The following DNAAF9 variants were observed in gnomAD, a reference collection of about 807,000 sequenced individuals.
The protein encoded by DNAAF9 is dynein axonemal assembly factor 9, also known as shulin.
In DNAAF9, 90 loss-of-function variants were observed where a neutral mutation model predicts 167.0. That is an observed-to-expected ratio of 0.54 (90% CI 0.45 to 0.64). DNAAF9 has a LOEUF of 0.64. Among genes scored for constraint, DNAAF9 ranks in the 30% least tolerant of loss-of-function variants. The pLI, the probability that DNAAF9 is intolerant of heterozygous loss-of-function variation, is 0.00. For synonymous variants in DNAAF9, 491 were observed against 508.8 expected (o/e 0.96, Z 0.47); for missense variants, 1,315 against 1,442.2 (o/e 0.91, Z 1.43).
chr20:3,300,212 C>T (rs1359492608), intron 21 of DNAAF9, among the ~76,000 whole-genome samples: 2 of 152,052 alleles, frequency 1.3e-5, no homozygotes, highest in Non-Finnish European at 2.9e-5. Context: ...CAGCGTTTTC[C>T]TATCTGCAAA....
chr20:3,390,172 A>G (rs1028881313), intron 1 of DNAAF9, among the ~76,000 whole-genome samples: 5 of 152,326 alleles, frequency 3.3e-5, no homozygotes, highest in Non-Finnish European at 5.9e-5. Context: ...GTTATGTAGT[A>G]GGATGTCCTT....
intron 25 of DNAAF9, among the ~76,000 whole-genome samples, chr20:3,292,048 G>C (rs1049394152): frequency 2.6e-5 from 4 of 151,538 alleles, no homozygotes; most frequent in African/African-American, 9.7e-5. Flanking sequence ...GCCCAGGCTG[G>C]AGTACAGTGG....
At chr20:3,407,397 G>T (rs2084077733) in intron 1 of DNAAF9, 78 bp downstream of exon 1, 2 of 1,140,280 alleles carry the variant, frequency 1.8e-6, no homozygotes, top group African/African-American at 1.6e-5. Flanking sequence ...ACCACGCCCT[G>T]CGGCGGGAGG....
At chr20:3,270,385 C>T in intron 30 of DNAAF9, 42 bp downstream of exon 30, 1 of 1,582,148 alleles carries the variant, frequency 6.3e-7, no homozygotes, top group East Asian at 2.2e-5. Context: ...AGTGCTGTAT[C>T]TGAGAAAGCA....
At chr20:3,404,422 A>C (rs1420195688) in intron 1 of DNAAF9, among the ~76,000 whole-genome samples, 2 of 152,198 alleles carry the variant, frequency 1.3e-5, no homozygotes, top group Non-Finnish European at 2.9e-5. Flanking sequence ...AGAGGTAGGA[A>C]ACCATTTTCT....
intron 16 of DNAAF9, among the ~76,000 whole-genome samples, chr20:3,321,224 G>A (rs2069610041): frequency 6.6e-6 from 1 of 152,150 alleles, no homozygotes; most frequent in Admixed American, 6.5e-5. Context: ...CTTAATGACA[G>A]GGATACATTC....
chr20:3,310,347 A>AAG (rs1555790632), intron 20 of DNAAF9, among the ~76,000 whole-genome samples: 1 of 147,902 alleles, frequency 6.8e-6, no homozygotes, highest in Non-Finnish European at 1.5e-5. Flanking sequence ...GAAAGAAAGA[A>AAG]AGAAAGAAAG....
intron 12 of DNAAF9, among the ~76,000 whole-genome samples, chr20:3,328,183 G>GTTTT (rs754972652): frequency 7.6e-6 from 1 of 131,956 alleles, no homozygotes; most frequent in Non-Finnish European, 1.6e-5. Flanking sequence ...GCATGGCTCT[G>GTTTT]TTTTTTTTTT....
chr20:3,334,003 C>T lies in DNAAF9; in HGVS notation c.982-1642G>A, dbSNP rs1168651025. Among the ~76,000 whole-genome samples, 5 of 152,128 alleles carry T rather than the reference C, an allele frequency of 3.3e-5. No homozygotes were observed. In the South Asian group the frequency reaches 6.2e-4, roughly 19 times the overall value. On this transcript the variant is annotated intron_variant, in intron 10 of 36. Coordinates refer to ENST00000252032, the MANE Select transcript of DNAAF9 (RefSeq NM_001009984.3). ...ATTTTAAGTCAGGCTGAATCAATTG[C>T]GAGCTTTCCTGGAAGACTATAAAAA...
chr20:3,336,882 C>CA (rs2069964751), intron 10 of DNAAF9, among the ~76,000 whole-genome samples: 1 of 133,930 alleles, frequency 7.5e-6, no homozygotes, highest in African/African-American at 2.7e-5. Flanking sequence ...TTTCCTTTTT[C>CA]TTTTTTTTTT....
chr20:3,296,769 A>T, intron 23 of DNAAF9, 92 bp downstream of exon 23: 2 of 784,028 alleles, frequency 2.6e-6, no homozygotes, highest in South Asian at 1.6e-5. Context: ...AGAAGCCAAG[A>T]CCCCTGTGTT....
chr20:3,253,613 C>T, intron 36 of DNAAF9, 113 bp downstream of exon 36: 1 of 714,008 alleles, frequency 1.4e-6, no homozygotes, highest in Non-Finnish European at 2.6e-6. Context: ...ATGCAGAGTG[C>T]TCCTGGGGCT....
intron 6 of DNAAF9, among the ~76,000 whole-genome samples, chr20:3,373,753 G>A (rs973740076): frequency 2.0e-5 from 3 of 152,186 alleles, no homozygotes; most frequent in Non-Finnish European, 4.4e-5. Flanking sequence ...CATAAAAGCT[G>A]TAGGAAAAGT....
chr20:3,350,589 G>A (rs1324425733), intron 7 of DNAAF9, among the ~76,000 whole-genome samples: 1 of 152,090 alleles, frequency 6.6e-6, no homozygotes, highest in South Asian at 2.1e-4. Flanking sequence ...CTCAGATTGT[G>A]GTGCTGAAAT....
intron 1 of DNAAF9, among the ~76,000 whole-genome samples, chr20:3,400,960 T>G (rs540615672): frequency 1.3e-5 from 2 of 152,322 alleles, no homozygotes; most frequent in South Asian, 4.1e-4. Flanking sequence ...CTGGCCAGCA[T>G]CCAAGTAAAC....
chr20:3,278,952 AG>A lies in DNAAF9; in HGVS notation c.2613-4del, dbSNP rs747883857. Reference sequence around the variant, plus strand: ...CAAGACATTTAGGAAAGAGAAATCTAGGGGGAAAAAAGGGGGAAATATTTAA... The same window carrying A: ...CAAGACATTTAGGAAAGAGAAATCTAGGGGAAAAAAGGGGGAAATATTTAA... On this transcript the variant is annotated splice_polypyrimidine_tract_variant and splice_region_variant and intron_variant, in intron 28 of 36. Transcript: ENST00000252032. 5.7e-6 allele frequency: 9 copies of A among 1,592,770 alleles called. No individual in the cohort carries two copies. The South Asian group carries it at 1.0e-4, about 18-fold the overall frequency.
chr20:3,395,258 A>C (rs554295398), intron 1 of DNAAF9, among the ~76,000 whole-genome samples: 2 of 136,484 alleles, frequency 1.5e-5, no homozygotes, highest in Non-Finnish European at 3.2e-5. Flanking sequence ...GGCGTGAGCC[A>C]CCGCGCCTGG....
intron 12 of DNAAF9, among the ~76,000 whole-genome samples, chr20:3,329,652 T>C (rs2069784126): frequency 6.6e-6 from 1 of 152,188 alleles, no homozygotes; most frequent in Non-Finnish European, 1.5e-5. Flanking sequence ...CTGGAGAACC[T>C]ATATTTTAAA....
chr20:3,270,544 A>G lies in DNAAF9; in HGVS notation c.2669T>C (p.Val890Ala). 1 of 1,612,728 alleles carries G rather than the reference A, an allele frequency of 6.2e-7. No individual in the cohort carries two copies. The highest frequency in any genetic ancestry group is 8.5e-7 in the Non-Finnish European group (1 of 1,179,700). ...QCSQGLVSNV[V>A]FTSHTTEQRH... ...CTGCTCCGTGGTGTGACTGGTGAAT[A>G]CCACGTTACTCACCAGGCCTGGGAA... Residue 890 changes from valine (V) to alanine (A), a missense_variant, in exon 30 of 37, where the codon GTA (valine) becomes GCA (alanine). Physicochemically the swap from Val to Ala is moderately conservative, Grantham distance 64. This residue lies in a region of DNAAF9 where 334 missense variants were observed against 429.7 expected (regional missense o/e 0.78). Coordinates refer to ENST00000252032, the MANE Select transcript of DNAAF9 (RefSeq NM_001009984.3).
Sources: gnomAD v4.1 joint callset for allele counts (sites outside exome capture counted in the v4.1 genomes callset) on GRCh38, gnomAD v4.1.1 for gene constraint, gnomAD v4.1.1 regional missense constraint, MANE v1.5 for transcripts, NCBI Gene and HGNC (gene_info 2026-07-23, HGNC 2026-07-21) for gene names.